CAP2: variants seen among roughly 807,000 people sequenced by gnomAD.
CAP2 encodes the protein adenylyl cyclase-associated protein 2.
A neutral mutation model predicts 57.7 loss-of-function variants in CAP2; 24 were observed. That is an observed-to-expected ratio of 0.42 (90% confidence interval 0.30 to 0.58). The LOEUF is 0.58. CAP2 is among the 20% of genes least tolerant of loss of function. CAP2 has a pLI of 0.22. For synonymous variants in CAP2, 194 were observed against 207.2 expected (o/e 0.94, Z 0.55); for missense variants, 501 against 590.3 (o/e 0.85, Z 1.57).
At chr6:17,404,871 A>G (rs1758914615) in intron 1 of CAP2, among the ~76,000 whole-genome samples, 1 of 152,128 alleles carries the variant, frequency 6.6e-6, no homozygotes, top group South Asian at 2.1e-4. Flanking sequence ...AGGCAGTTAT[A>G]TCTTTACTTT....
chr6:17,550,390 C>T lies in CAP2; in HGVS notation c.1210-1074C>T, dbSNP rs74291774. Among the ~76,000 whole-genome samples the T allele has an allele frequency of 3.2e-3, 441 of 138,226 alleles. 16 individuals carry two copies. The East Asian group carries it at 0.072, about 23-fold the overall frequency. The allele number at this position is 138,226 out of a possible 152,430, so 90.7% of individuals were successfully genotyped here. On this transcript the variant is annotated intron_variant, in intron 11 of 12. Transcript: ENST00000229922. The stretch of plus-strand genomic sequence containing the variant: ...ATGTGTACCTGACCTTGAACTACCC[C>T]TGCCTTTTTTTTTTTTTTTTTTTTT...
chr6:17,439,678 A>G (rs1311410511), intron 3 of CAP2, among the ~76,000 whole-genome samples: 1 of 151,590 alleles, frequency 6.6e-6, no homozygotes, highest in Non-Finnish European at 1.5e-5. Context: ...TAAGGAGCAC[A>G]CAACCTAGAT....
chr6:17,507,561 T>C, intron 5 of CAP2, 80 bp from the exon 6 acceptor site: 1 of 943,198 alleles, frequency 1.1e-6, no homozygotes, highest in Non-Finnish European at 1.7e-6. Flanking sequence ...CTCCATTGCT[T>C]TTCTTCTTCT....
At chr6:17,510,682 T>A (rs1394638943) in intron 6 of CAP2, among the ~76,000 whole-genome samples, 2 of 152,194 alleles carry the variant, frequency 1.3e-5, no homozygotes, top group Non-Finnish European at 2.9e-5. Flanking sequence ...AAAATAACAT[T>A]TCAGAAAAGA....
chr6:17,555,228 C>CA (rs1763270272), intron 12 of CAP2, among the ~76,000 whole-genome samples: 1 of 150,938 alleles, frequency 6.6e-6, no homozygotes, highest in East Asian at 2.1e-4. Flanking sequence ...GAGTTTTGCT[C>CA]TTGTTGCCCA....
intron 12 of CAP2, among the ~76,000 whole-genome samples, chr6:17,552,103 G>GT (rs1763184355): frequency 6.6e-6 from 1 of 152,196 alleles, no homozygotes. Context: ...GAGGCCTAGA[G>GT]TAAGGCCCAG....
In CAP2 at chr6:17,456,145, G is replaced by T. The variant is rs112156034; in HGVS notation, c.223-6851G>T. 1.6e-3 allele frequency among the ~76,000 whole-genome samples: 251 copies of T among 152,314 alleles called. 1 individual carries two copies. The highest frequency in any genetic ancestry group is 5.7e-3 in the African/African-American group (239 of 41,582). On this transcript the variant is annotated intron_variant, in intron 3 of 12. Transcript: ENST00000229922. ...CTCACCTGAGAACTTGTAGAAATGC[G>T]AATTCTCGGGCCAACCCAAATCTAC...
At chr6:17,478,693 C>T (rs763801966) in intron 4 of CAP2, among the ~76,000 whole-genome samples, 4 of 152,196 alleles carry the variant, frequency 2.6e-5, no homozygotes, top group African/African-American at 4.8e-5. Context: ...CTCCTCTTTA[C>T]TGCCAGCCTT....
chr6:17,463,203 G>T, intron 4 of CAP2, 130 bp downstream of exon 4: 1 of 645,300 alleles, frequency 1.5e-6, no homozygotes, highest in Non-Finnish European at 2.8e-6. Context: ...TGTATGTTCT[G>T]TCTCTAATCT....
intron 1 of CAP2, among the ~76,000 whole-genome samples, chr6:17,419,040 G>A (rs1759360668): frequency 6.6e-6 from 1 of 152,190 alleles, no homozygotes; most frequent in Non-Finnish European, 1.5e-5. Context: ...GCCAGTTTCA[G>A]GAGAGATGAC....
intron 4 of CAP2, among the ~76,000 whole-genome samples, chr6:17,471,050 A>T (rs1221310757): frequency 6.6e-6 from 1 of 152,218 alleles, no homozygotes; most frequent in African/African-American, 2.4e-5. Context: ...GTGTCAAGTT[A>T]TTGTCCAGTA....
rs1284993776 is a variant in CAP2 at position 17,472,058 on chromosome 6, G to GCAATATATGCTTTTAATTTCTGGAGAAGT, written c.300+8985_300+8986insCAATATATGCTTTTAATTTCTGGAGAAGT. On this transcript the variant is annotated intron_variant, in intron 4 of 12. Transcript: ENST00000229922. Reference sequence around the variant, plus strand: ...TCTGTTAATAGTGCTGAATGGGCCGGGCGCGGTGGCTCACGCCTGTAATCC... The same window carrying GCAATATATGCTTTTAATTTCTGGAGAAGT: ...TCTGTTAATAGTGCTGAATGGGCCGGCAATATATGCTTTTAATTTCTGGAGAAGTGCGCGGTGGCTCACGCCTGTAATCC... 7.8e-4 allele frequency among the ~76,000 whole-genome samples: 77 copies of GCAATATATGCTTTTAATTTCTGGAGAAGT among 98,474 alleles called. 8 individuals are homozygous for GCAATATATGCTTTTAATTTCTGGAGAAGT. Among genetic ancestry groups the GCAATATATGCTTTTAATTTCTGGAGAAGT allele is most frequent in the South Asian group, 1.2e-3 (4 of 3,266 alleles). The allele number at this position is 98,474 out of a possible 152,430, so 64.6% of individuals were successfully genotyped here. A position where few individuals can be genotyped will look rare whatever the true frequency, so the allele number is the denominator to read the frequency against.
intron 4 of CAP2, among the ~76,000 whole-genome samples, chr6:17,474,963 G>A (rs544589118): frequency 1.3e-5 from 2 of 152,192 alleles, no homozygotes; most frequent in East Asian, 1.9e-4. Context: ...TTGGGAGGCC[G>A]AGGCGGGCGG....
At chr6:17,455,584 G>A (rs936865820) in intron 3 of CAP2, among the ~76,000 whole-genome samples, 8 of 150,646 alleles carry the variant, frequency 5.3e-5, no homozygotes, top group Non-Finnish European at 1.2e-4. Flanking sequence ...CGCCCAGGCT[G>A]GAGTGCAGTG....
At chr6:17,444,017 G>A (rs1760172790) in intron 3 of CAP2, among the ~76,000 whole-genome samples, 1 of 152,146 alleles carries the variant, frequency 6.6e-6, no homozygotes, top group South Asian at 2.1e-4. Context: ...TTTAAATAGT[G>A]AGGTACTTGG....
intron 1 of CAP2, among the ~76,000 whole-genome samples, chr6:17,407,268 G>GT (rs1366220151): frequency 6.6e-6 from 1 of 152,166 alleles, no homozygotes; most frequent in Non-Finnish European, 1.5e-5. Flanking sequence ...AGAACCTGTA[G>GT]TTTTTTAGTG....
intron 3 of CAP2, among the ~76,000 whole-genome samples, chr6:17,459,223 G>T (rs1760660591): frequency 1.3e-5 from 2 of 152,132 alleles, no homozygotes; most frequent in Non-Finnish European, 2.9e-5. Context: ...CCTGGTTTGG[G>T]GCATTTAGCA....
At chr6:17,492,705 A>G (rs957926571) in intron 4 of CAP2, among the ~76,000 whole-genome samples, 1 of 152,198 alleles carries the variant, frequency 6.6e-6, no homozygotes, top group African/African-American at 2.4e-5. Context: ...GTAGTCAGCT[A>G]AATATTTTCA....
intron 3 of CAP2, among the ~76,000 whole-genome samples, chr6:17,457,778 C>A (rs545664653): frequency 2.6e-4 from 39 of 152,300 alleles, no homozygotes; most frequent in African/African-American, 8.4e-4. Context: ...GAAAATTGCT[C>A]TATTAGCAAC....
Sources: gnomAD v4.1 joint callset for allele counts (sites outside exome capture counted in the v4.1 genomes callset) on GRCh38, gnomAD v4.1.1 for gene constraint, MANE v1.5 for transcripts, NCBI Gene and HGNC (gene_info 2026-07-23, HGNC 2026-07-21) for gene names.